The following EDEM1 variants were observed in gnomAD, a reference collection of about 807,000 sequenced individuals.
EDEM1 encodes ER degradation-enhancing alpha-mannosidase-like protein 1.
A neutral mutation model predicts 74.4 loss-of-function variants in EDEM1; 67 were observed. That is an observed-to-expected ratio of 0.90 (90% CI 0.74 to 1.10). The LOEUF (loss-of-function observed/expected upper bound fraction) is 1.10, where lower values mean the gene tolerates loss of function less well. Ranked by LOEUF, EDEM1 falls within the 50% of genes least tolerant of loss-of-function variation. The pLI is 0.00. For missense variants in EDEM1, 926 were observed against 851.6 expected, an observed-to-expected ratio of 1.09 and a Z score of -1.09; for synonymous variants, 382 against 335.9, an observed-to-expected ratio of 1.14 and a Z score of -1.50.
In EDEM1 at chr3:5,219,745, A is replaced by G. The variant is rs540950052; in HGVS notation, c.*3827A>G. 1 of 152,798 alleles carries G rather than the reference A, an allele frequency of 6.5e-6. No homozygotes were observed. Among genetic ancestry groups the G allele is most frequent in the East Asian group, 1.9e-4 (1 of 5,196 alleles). The allele number at this position is 152,798 out of a possible 1,614,324, so 9.5% of individuals were successfully genotyped here. On this transcript the variant is annotated 3_prime_UTR_variant, in exon 12 of 12. Coordinates refer to ENST00000256497, the MANE Select transcript of EDEM1 (RefSeq NM_014674.3). ...GGAAACTCTGGGAAAACTTACGGAA[A>G]TACACAAATGCTTCTCTGTAATGTG... is the stretch of plus-strand genomic sequence containing the variant.
rs1559299045 is a variant in EDEM1 at position 5,208,193 on chromosome 3, T to C, written c.1439T>C (p.Leu480Pro). Residue 480 changes from leucine to proline, a missense_variant, in exon 8 of 12, where the codon CTG (leucine) becomes CCG (proline). By Grantham distance (98) the Leu-to-Pro change is moderately conservative. Transcript: ENST00000256497. ...GALPERYNWQLQAPDVLFYPL... is the reference protein window; with the variant it reads ...GALPERYNWQPQAPDVLFYPL... ...CTCCCTGAGAGATATAACTGGCAGC[T>C]GCAGGCCCCTGACGTTCTCTTCTAC... 1 of 1,613,918 alleles carries C rather than the reference T, an allele frequency of 6.2e-7. No individual in the cohort carries two copies. Among genetic ancestry groups the C allele is most frequent in the Non-Finnish European group, 8.5e-7 (1 of 1,179,948 alleles).
chr3:5,215,724 G>A (rs878912489), intron 11 of EDEM1, 105 bp from the exon 12 acceptor site: 46 of 1,053,804 alleles, frequency 4.4e-5, no homozygotes, highest in Admixed American at 1.9e-4. Context: ...ACTTCCAAAC[G>A]TCAGTAGTTC....
rs772786808 is a variant in EDEM1, at chr3:5,215,917, G to A, written c.1973G>A (p.Ter658=). The A allele has an allele frequency of 2.5e-6, 4 of 1,612,010 alleles. No homozygotes were observed. Among genetic ancestry groups the A allele is most frequent in the African/African-American group, 1.3e-5 (1 of 74,842 alleles). ...RQIDQMVGLI[*] ...ATTGACCAGATGGTTGGTTTGATTT[G>A]ATCTGCTCTCTGTGAGGCCTCATCT... Residue 658 remains the stop codon, a stop_retained_variant, in exon 12 of 12, where the codon TGA becomes TAA. Transcript: ENST00000256497.
In EDEM1 at chr3:5,188,099, C is replaced by T; in HGVS notation, c.294C>T (p.Ala98=). 1 of 1,509,960 alleles carries T rather than the reference C, an allele frequency of 6.6e-7. No homozygotes were observed. 93.5% of individuals were successfully genotyped at this position (1,509,960 alleles called of 1,614,324 possible). Residue 98 remains alanine, a synonymous_variant, in exon 1 of 12, where the codon GCC becomes GCT. Coordinates refer to ENST00000256497, the MANE Select transcript of EDEM1 (RefSeq NM_014674.3). ...RRPGPGMCGP[A]NWGYVLGGRG... is the part of the protein sequence containing the mutation. ...CTGGGCCGGGGATGTGCGGCCCAGC[C>T]AACTGGGGCTACGTGCTGGGCGGCC... is the stretch of plus-strand genomic sequence containing the variant.
chr3:5,199,740 A>T (rs768176338), intron 3 of EDEM1, 45 bp downstream of exon 3: 1 of 1,539,950 alleles, frequency 6.5e-7, no homozygotes, highest in African/African-American at 1.4e-5. Flanking sequence ...ACTTCTTTTT[A>T]TGTGTTTAAA....
At chr3:5,188,378 G>T (rs2054856021) in intron 1 of EDEM1, 64 bp downstream of exon 1, 6 of 1,349,990 alleles carry the variant, frequency 4.4e-6, no homozygotes, top group Non-Finnish European at 5.7e-6. Flanking sequence ...CCGCGCCGGG[G>T]TGCAGCCCTC....
At chr3:5,208,759 G>GTATATATA (rs568994996) in intron 8 of EDEM1, among the ~76,000 whole-genome samples, 5 of 148,192 alleles carry the variant, frequency 3.4e-5, no homozygotes, top group African/African-American at 1.2e-4. Context: ...GTGTGTGTGT[G>GTATATATA]TATATATATA....
chr3:5,208,643 G>C (rs930473483), intron 8 of EDEM1, among the ~76,000 whole-genome samples: 7 of 152,030 alleles, frequency 4.6e-5, no homozygotes, highest in African/African-American at 1.7e-4. Context: ...GCCCCGGTCT[G>C]TGTAACAACT....
chr3:5,203,437 G>A (rs996570035), intron 5 of EDEM1, among the ~76,000 whole-genome samples: 15 of 152,208 alleles, frequency 9.9e-5, no homozygotes, highest in African/African-American at 3.1e-4. Flanking sequence ...AACTGCCTCT[G>A]AGGCAGATTT....
chr3:5,209,480 C>T (rs1334859731), intron 8 of EDEM1, among the ~76,000 whole-genome samples: 4 of 152,186 alleles, frequency 2.6e-5, no homozygotes, highest in African/African-American at 4.8e-5. Context: ...CTTTACCCTC[C>T]GAAGCCACAC....
rs2055281625 is a variant in EDEM1 at position 5,219,221 on chromosome 3, G to C, written c.*3303G>C. On this transcript the variant is annotated 3_prime_UTR_variant, in exon 12 of 12. Coordinates refer to ENST00000256497, the MANE Select transcript of EDEM1 (RefSeq NM_014674.3). ...ATGAGACATTCCTTTCTGCTTTCTGGAGGGCACCAGGGGCCTTTCTCTTTG... is the reference window on the plus strand; with the variant it reads ...ATGAGACATTCCTTTCTGCTTTCTGCAGGGCACCAGGGGCCTTTCTCTTTG... 1 of 152,138 alleles carries C rather than the reference G, an allele frequency of 6.6e-6. No individual in the cohort carries two copies. Among genetic ancestry groups the C allele is most frequent in the Non-Finnish European group, 1.5e-5 (1 of 68,040 alleles). The allele number at this position is 152,138 out of a possible 1,614,324, so 9.4% of individuals were successfully genotyped here.
intron 6 of EDEM1, among the ~76,000 whole-genome samples, chr3:5,206,841 C>T (rs758445872): frequency 1.6e-4 from 24 of 152,174 alleles, no homozygotes; most frequent in Admixed American, 5.2e-4. Flanking sequence ...TAGGCCCATA[C>T]TATATACTGA....
At chr3:5,192,396 T>C (rs1020965495) in intron 1 of EDEM1, among the ~76,000 whole-genome samples, 2 of 152,234 alleles carry the variant, frequency 1.3e-5, no homozygotes, top group South Asian at 4.1e-4. Context: ...AAAACACATA[T>C]GTTTGATTTT....
intron 11 of EDEM1, among the ~76,000 whole-genome samples, chr3:5,215,045 G>A (rs2055215359): frequency 6.6e-6 from 1 of 152,228 alleles, no homozygotes. Context: ...GGCAGAAGCA[G>A]TAGCACCTGC....
chr3:5,192,839 C>G (rs1008160150), intron 1 of EDEM1, among the ~76,000 whole-genome samples: 12 of 151,638 alleles, frequency 7.9e-5, no homozygotes, highest in Admixed American at 2.0e-4. Flanking sequence ...TAAAAGTGTT[C>G]TAATGAGTAA....
rs1040365338 is a variant in EDEM1 at position 5,218,947 on chromosome 3, A to G, written c.*3029A>G. 6.6e-6 allele frequency: 1 copy of G among 152,114 alleles called. No individual in the cohort carries two copies. The highest frequency in any genetic ancestry group is 1.5e-5 in the Non-Finnish European group (1 of 68,014). 9.4% of individuals were successfully genotyped at this position (152,114 alleles called of 1,614,324 possible). A position where few individuals can be genotyped will look rare whatever the true frequency, so the allele number is the denominator to read the frequency against. On this transcript the variant is annotated 3_prime_UTR_variant, in exon 12 of 12. Coordinates refer to ENST00000256497, the MANE Select transcript of EDEM1 (RefSeq NM_014674.3). ...TTTTAGATCATGGACTGTGCACGTGACACTTAAATAATTTTCTATGTATTT... is the reference window on the plus strand; with the variant it reads ...TTTTAGATCATGGACTGTGCACGTGGCACTTAAATAATTTTCTATGTATTT...
At chr3:5,191,025 G>A (rs1309119905) in intron 1 of EDEM1, among the ~76,000 whole-genome samples, 1 of 151,958 alleles carries the variant, frequency 6.6e-6, no homozygotes, top group Non-Finnish European at 1.5e-5. Context: ...TTTCTTTTGT[G>A]TTACAAACAA....
chr3:5,195,165 T>C, intron 1 of EDEM1, 44 bp from the exon 2 acceptor site: 1 of 1,217,560 alleles, frequency 8.2e-7, no homozygotes. Flanking sequence ...TGTCTTCTCT[T>C]TTGAAATAAA....
rs1261905987 is a variant in EDEM1, at chr3:5,203,242, A to T, written c.1042+93A>T. 22 of 1,293,926 alleles carry T rather than the reference A, an allele frequency of 1.7e-5. No homozygotes were observed. The East Asian group carries it at 5.9e-4, about 35-fold the overall frequency. 80.2% of individuals were successfully genotyped at this position (1,293,926 alleles called of 1,614,324 possible). On this transcript the variant is annotated intron_variant, in intron 5 of 11. Coordinates refer to ENST00000256497, the MANE Select transcript of EDEM1 (RefSeq NM_014674.3). ...GGCTCTGCCCCCTTTTTACTCTTCAACTCAATTGACAACTCAGCAAGAATT... is the reference window on the plus strand; with the variant it reads ...GGCTCTGCCCCCTTTTTACTCTTCATCTCAATTGACAACTCAGCAAGAATT...
Sources: allele counts gnomAD v4.1 joint callset (sites outside exome capture counted in the v4.1 genomes callset), GRCh38; gene constraint gnomAD v4.1.1; transcripts MANE v1.5; gene names NCBI Gene and HGNC (gene_info 2026-07-23, HGNC 2026-07-21).